The following PLCB1 variants were observed in gnomAD, a reference collection of about 807,000 sequenced individuals.
The protein encoded by PLCB1 is phospholipase C beta 1.
In PLCB1, 46 loss-of-function variants were observed where a neutral mutation model predicts 161.8. That is an observed-to-expected ratio of 0.28 (90% CI 0.22 to 0.36). The LOEUF is 0.36. Among genes scored for constraint, PLCB1 ranks in the 10% least tolerant of loss-of-function variants. The probability of loss-of-function intolerance (pLI) is 1.00; values close to 1 mark genes in which losing one functional copy is unlikely to be tolerated. For synonymous variants in PLCB1, 517 were observed against 503.7 expected (o/e 1.03, Z -0.35); for missense variants, 1,016 against 1,472.5 (o/e 0.69, Z 5.07).
At chr20:8,208,000 TG>T (rs1166313377) in intron 2 of PLCB1, among the ~76,000 whole-genome samples, 1 of 152,118 alleles carries the variant, frequency 6.6e-6, no homozygotes, top group Admixed American at 6.6e-5. Context: ...ATCTGCATGC[TG>T]GGGGAAGGAA....
At chr20:8,842,996 A>G (rs1198305083) in intron 31 of PLCB1, among the ~76,000 whole-genome samples, 3 of 152,172 alleles carry the variant, frequency 2.0e-5, no homozygotes, top group Non-Finnish European at 2.9e-5. Flanking sequence ...TGATTTGGCA[A>G]TAACAACAGG....
chr20:8,635,833 A>C (rs1442473152), intron 4 of PLCB1, among the ~76,000 whole-genome samples: 1 of 152,180 alleles, frequency 6.6e-6, no homozygotes, highest in Non-Finnish European at 1.5e-5. Flanking sequence ...CCATTCATCA[A>C]AAACTTCAGG....
intron 2 of PLCB1, among the ~76,000 whole-genome samples, chr20:8,353,116 G>C (rs978515912): frequency 6.6e-5 from 10 of 152,036 alleles, no homozygotes. Flanking sequence ...GCTGATTCTA[G>C]AGCTGGGGAA....
intron 3 of PLCB1, among the ~76,000 whole-genome samples, chr20:8,376,871 T>G (rs1394629671): frequency 6.6e-6 from 1 of 151,162 alleles, no homozygotes; most frequent in East Asian, 2.0e-4. Flanking sequence ...GAGATTGCAG[T>G]GAGCCAAGAT....
chr20:8,743,598 T>C (rs990662845), intron 23 of PLCB1, among the ~76,000 whole-genome samples: 1 of 152,116 alleles, frequency 6.6e-6, no homozygotes. Context: ...GACCATTCTC[T>C]CAGTTACTCA....
intron 3 of PLCB1, among the ~76,000 whole-genome samples, chr20:8,442,774 G>A (rs1237737703): frequency 6.6e-6 from 1 of 152,078 alleles, no homozygotes; most frequent in Admixed American, 6.5e-5. Context: ...ACCTTGCCAT[G>A]ACATTGAAAC....
At chr20:8,484,531 T>C (rs1046856570) in intron 3 of PLCB1, among the ~76,000 whole-genome samples, 1 of 151,700 alleles carries the variant, frequency 6.6e-6, no homozygotes, top group Non-Finnish European at 1.5e-5. Context: ...CCAGATAATT[T>C]TTTCATTTTT....
In PLCB1 at chr20:8,371,423, A is replaced by G; in HGVS notation, c.219A>G (p.Arg73=). Residue 73 remains arginine, a synonymous_variant, in exon 3 of 32, where the codon AGA becomes AGG. Transcript: ENST00000338037. The stretch of plus-strand genomic sequence containing the variant: ...ATCTCAGCCTTGTCAAAGATGCCAG[A>G]TGTGGGAGACACGCCAAAGCTCCCA... The part of the protein sequence containing the change: ...LLDLSLVKDA[R]CGRHAKAPKD... The G allele has an allele frequency of 6.2e-7, 1 of 1,613,844 alleles. No homozygotes were observed. Among genetic ancestry groups the G allele is most frequent in the Non-Finnish European group, 8.5e-7 (1 of 1,179,808 alleles).
chr20:8,147,615 C>T (rs927149525), intron 1 of PLCB1, among the ~76,000 whole-genome samples: 11 of 152,156 alleles, frequency 7.2e-5, no homozygotes, highest in Non-Finnish European at 1.6e-4. Flanking sequence ...ATTTCTGGGT[C>T]AGATCCTACT....
intron 3 of PLCB1, among the ~76,000 whole-genome samples, chr20:8,462,107 CACAT>C (rs1344463384): frequency 6.6e-6 from 1 of 152,000 alleles, no homozygotes; most frequent in Non-Finnish European, 1.5e-5. Flanking sequence ...TTTACACACA[CACAT>C]ATGTATACAC....
At chr20:8,807,814 T>A (rs932568726) in intron 31 of PLCB1, among the ~76,000 whole-genome samples, 91 of 152,278 alleles carry the variant, frequency 6.0e-4, no homozygotes, top group Non-Finnish European at 1.1e-3. Flanking sequence ...AGGAGTTGAA[T>A]TTTTTATTTT....
At chr20:8,649,230 T>C in intron 6 of PLCB1, 144 bp from the exon 7 acceptor site, 1 of 580,986 alleles carries the variant, frequency 1.7e-6, no homozygotes, top group Non-Finnish European at 3.1e-6. Flanking sequence ...TGCAAATGCA[T>C]GGAGGAATGG....
intron 2 of PLCB1, among the ~76,000 whole-genome samples, chr20:8,299,781 C>T (rs540628893): frequency 6.3e-4 from 96 of 152,292 alleles, no homozygotes; most frequent in African/African-American, 2.3e-3. Flanking sequence ...CAATCTATCA[C>T]CACCACGTCC....
chr20:8,624,077 G>A (rs530838463), intron 3 of PLCB1, among the ~76,000 whole-genome samples: 90 of 152,106 alleles, frequency 5.9e-4, no homozygotes, highest in Non-Finnish European at 1.2e-3. Context: ...ATAGCAAGTC[G>A]GCTCTGCCTT....
chr20:8,488,946 T>C lies in PLCB1; in HGVS notation c.246+117496T>C, dbSNP rs1982838209. Among the ~76,000 whole-genome samples the C allele has an allele frequency of 2.6e-5, 4 of 152,264 alleles. No homozygotes were observed. The South Asian group carries it at 8.3e-4, about 32-fold the overall frequency. ...TATGAAAAATATAACATGGCAAAGG[T>C]TTACAGTTCTGTTTAATCTCAGCAG... On this transcript the variant is annotated intron_variant, in intron 3 of 31. Coordinates refer to ENST00000338037, the MANE Select transcript of PLCB1 (RefSeq NM_015192.4).
At chr20:8,867,060 G>A (rs1987453182) in intron 31 of PLCB1, among the ~76,000 whole-genome samples, 1 of 152,200 alleles carries the variant, frequency 6.6e-6, no homozygotes, top group Admixed American at 6.5e-5. Context: ...ATCGGGAGAA[G>A]GATGTTCTCC....
intron 2 of PLCB1, among the ~76,000 whole-genome samples, chr20:8,251,855 C>T (rs961881842): frequency 3.3e-5 from 5 of 151,816 alleles, no homozygotes; most frequent in African/African-American, 1.2e-4. Flanking sequence ...CTCTAAAGGC[C>T]ACTGGAATTA....
At chr20:8,633,101 TACAC>T (rs58802999) in intron 4 of PLCB1, among the ~76,000 whole-genome samples, 7,540 of 142,210 alleles carry the variant, frequency 0.053, 269 homozygotes, top group East Asian at 0.14. Context: ...TGCATGTATG[TACAC>T]ACACACACAC....
At chr20:8,548,141 CTTCT>C (rs1274397178) in intron 3 of PLCB1, among the ~76,000 whole-genome samples, 4 of 147,264 alleles carry the variant, frequency 2.7e-5, no homozygotes, top group African/African-American at 7.5e-5. Context: ...CCATTCTCTC[CTTCT>C]TTCTTTCTCT....
Sources: gnomAD v4.1 joint callset for allele counts (sites outside exome capture counted in the v4.1 genomes callset) on GRCh38, gnomAD v4.1.1 for gene constraint, MANE v1.5 for transcripts, NCBI Gene and HGNC (gene_info 2026-07-23, HGNC 2026-07-21) for gene names.